Variants in SLC39A14 observed in about 807,000 individuals in gnomAD.
SLC39A14 encodes the protein solute carrier family 39 member 14.
SLC39A14 carries 19 observed loss-of-function variants against 45.5 expected under a neutral mutation model. The observed-to-expected ratio is 0.42, with a 90% CI of 0.29 to 0.61. The LOEUF is 0.61. Ranked by LOEUF, SLC39A14 falls within the 20% of genes least tolerant of loss-of-function variation. SLC39A14 has a pLI of 0.22. For missense variants in SLC39A14, 447 were observed against 616.5 expected, an observed-to-expected ratio of 0.73 and a Z score of 2.91; for synonymous variants, 264 against 251.3, an observed-to-expected ratio of 1.05 and a Z score of -0.48.
chr8:22,369,882 G>C (rs1187776155), intron 1 of SLC39A14, among the ~76,000 whole-genome samples: 3 of 152,152 alleles, frequency 2.0e-5, no homozygotes, highest in Non-Finnish European at 1.5e-5. Context: ...TTGTAGGAAT[G>C]GTGTGAGCCC....
At chr8:22,430,534 G>C (rs1316114618) in intron 8 of SLC39A14, among the ~76,000 whole-genome samples, 1 of 152,208 alleles carries the variant, frequency 6.6e-6, no homozygotes, top group Non-Finnish European at 1.5e-5. Context: ...TTGAATGCCA[G>C]TGCTGTTTAC....
intron 2 of SLC39A14, among the ~76,000 whole-genome samples, chr8:22,406,199 A>G (rs1383219376): frequency 1.3e-5 from 2 of 152,240 alleles, no homozygotes; most frequent in Non-Finnish European, 2.9e-5. Flanking sequence ...CTGTAATCCC[A>G]GCACTTTGGG....
intron 1 of SLC39A14, among the ~76,000 whole-genome samples, chr8:22,385,395 G>T (rs968377310): frequency 6.6e-6 from 1 of 152,138 alleles, no homozygotes; most frequent in Non-Finnish European, 1.5e-5. Flanking sequence ...GGAGGAGATG[G>T]ATAATGAAAA....
At chr8:22,379,789 G>A (rs1833403003) in intron 1 of SLC39A14, among the ~76,000 whole-genome samples, 1 of 151,576 alleles carries the variant, frequency 6.6e-6, no homozygotes, top group Admixed American at 6.6e-5. Flanking sequence ...ATTAGCTGGG[G>A]GTGGTGGGGT....
chr8:22,386,552 C>A (rs774045355), intron 1 of SLC39A14, among the ~76,000 whole-genome samples: 52 of 152,348 alleles, frequency 3.4e-4, no homozygotes, highest in Non-Finnish European at 6.6e-4. Context: ...CAGGCGTAAG[C>A]CACCGTGCCC....
intron 1 of SLC39A14, among the ~76,000 whole-genome samples, chr8:22,397,738 C>G (rs536919033): frequency 6.6e-6 from 1 of 152,310 alleles, no homozygotes; most frequent in African/African-American, 2.4e-5. Flanking sequence ...TCACAGAGAG[C>G]TAACCTTGAG....
intron 1 of SLC39A14, among the ~76,000 whole-genome samples, chr8:22,394,624 T>A (rs1586685092): frequency 1.3e-5 from 2 of 152,284 alleles, no homozygotes; most frequent in East Asian, 3.9e-4. Context: ...CGGCCGATTT[T>A]TTATTATTTC....
intron 1 of SLC39A14, among the ~76,000 whole-genome samples, chr8:22,384,911 A>G (rs1050507971): frequency 1.3e-5 from 2 of 151,630 alleles, no homozygotes; most frequent in Admixed American, 1.3e-4. Flanking sequence ...TTAGCCTGGC[A>G]TGGTAGCAGG....
At chr8:22,387,034 A>G (rs1431847859) in intron 1 of SLC39A14, among the ~76,000 whole-genome samples, 7 of 152,072 alleles carry the variant, frequency 4.6e-5, no homozygotes. Context: ...GTAGCCAGGC[A>G]TGGTGGTGTG....
chr8:22,421,984 A>C lies in SLC39A14; in HGVS notation c.*2286A>C. 9.1e-6 allele frequency: 9 copies of C among 985,434 alleles called. No homozygotes were observed. The highest frequency in any genetic ancestry group is 1.1e-5 in the Non-Finnish European group (9 of 829,924). 61.0% of individuals were successfully genotyped at this position (985,434 alleles called of 1,614,324 possible). Reference sequence around the variant, plus strand: ...AGGTCAGTCCTAGTCGGAGCTTAGGAGGGGCGGAGACGCTCACATCGTCTG... The same window carrying C: ...AGGTCAGTCCTAGTCGGAGCTTAGGCGGGGCGGAGACGCTCACATCGTCTG... On this transcript the variant is annotated 3_prime_UTR_variant, in exon 9 of 9. Coordinates refer to ENST00000381237, the MANE Select transcript of SLC39A14 (RefSeq NM_001128431.4).
chr8:22,404,492 CA>C, intron 1 of SLC39A14: 1 of 327,122 alleles, frequency 3.1e-6, no homozygotes, highest in Non-Finnish European at 5.3e-6. Flanking sequence ...TCAATCTAGT[CA>C]AAACTGTTGA....
chr8:22,434,037 A>G (rs1836508027), exon 9 of SLC39A14: 1 of 318,288 alleles, frequency 3.1e-6, no homozygotes, highest in Non-Finnish European at 6.4e-6. Flanking sequence ...AATGGGGACA[A>G]TACTGTATAT....
At chr8:22,395,872 A>T (rs1437654018) in intron 1 of SLC39A14, among the ~76,000 whole-genome samples, 2 of 152,132 alleles carry the variant, frequency 1.3e-5, no homozygotes, top group Admixed American at 6.5e-5. Flanking sequence ...CTAAAATAAG[A>T]AAGGAACTTT....
At chr8:22,382,050 A>G (rs1340113765) in intron 1 of SLC39A14, among the ~76,000 whole-genome samples, 1 of 152,050 alleles carries the variant, frequency 6.6e-6, no homozygotes, top group Non-Finnish European at 1.5e-5. Context: ...CTGAGGCAGG[A>G]GAATCGCCTA....
At chr8:22,403,641 G>A (rs1015978965) in intron 1 of SLC39A14, among the ~76,000 whole-genome samples, 1 of 151,568 alleles carries the variant, frequency 6.6e-6, no homozygotes, top group East Asian at 2.0e-4. Flanking sequence ...AGACAGGGCC[G>A]GGCACAGTGG....
chr8:22,384,934 C>G (rs1410319632), intron 1 of SLC39A14, among the ~76,000 whole-genome samples: 3 of 151,238 alleles, frequency 2.0e-5, no homozygotes, highest in Non-Finnish European at 4.4e-5. Context: ...CCTGTAGTCC[C>G]AGCTATTCAG....
intron 8 of SLC39A14, among the ~76,000 whole-genome samples, chr8:22,432,707 G>T (rs1199913748): frequency 6.7e-6 from 1 of 148,738 alleles, no homozygotes; most frequent in Non-Finnish European, 1.5e-5. Flanking sequence ...GAGTGCAATG[G>T]CATGATCTCA....
chr8:22,401,328 G>C (rs78827509), intron 1 of SLC39A14, among the ~76,000 whole-genome samples: 4,384 of 152,238 alleles, frequency 0.029, 207 homozygotes, highest in African/African-American at 0.099. Context: ...TCCGAGCCCT[G>C]GGTGCCTGGG....
At chr8:22,383,796 G>A (rs1833640725) in intron 1 of SLC39A14, among the ~76,000 whole-genome samples, 1 of 152,190 alleles carries the variant, frequency 6.6e-6, no homozygotes, top group Admixed American at 6.5e-5. Flanking sequence ...TGGCGTATCT[G>A]TATTCCAATT....
Sources: gnomAD v4.1 joint callset for allele counts (sites outside exome capture counted in the v4.1 genomes callset) on GRCh38, gnomAD v4.1.1 for gene constraint, MANE v1.5 for transcripts, NCBI Gene and HGNC (gene_info 2026-07-23, HGNC 2026-07-21) for gene names.